ITGA6: variants seen among roughly 807,000 people sequenced by gnomAD.
ITGA6 encodes the protein integrin alpha-6.
In ITGA6, 63 loss-of-function variants were observed where a neutral mutation model predicts 133.6. The observed-to-expected ratio is 0.47, with a 90% CI of 0.38 to 0.58. The LOEUF is 0.58. Among genes scored for constraint, ITGA6 ranks in the 20% least tolerant of loss-of-function variants. ITGA6 has a pLI of 0.00. For missense variants in ITGA6, 1,068 were observed against 1,309.4 expected (o/e 0.82, Z 2.85); for synonymous variants, 434 against 482.0 (o/e 0.90, Z 1.30).
chr2:172,489,346 A>G, intron 19 of ITGA6, 139 bp from the exon 20 acceptor site: 3 of 698,854 alleles, frequency 4.3e-6, no homozygotes, highest in South Asian at 3.5e-5. Flanking sequence ...TGCCCTATCT[A>G]TAGTCCATTT....
intron 23 of ITGA6, among the ~76,000 whole-genome samples, chr2:172,494,907 A>G (rs920431234): frequency 2.6e-5 from 4 of 152,204 alleles, no homozygotes; most frequent in African/African-American, 9.6e-5. Context: ...AAAAATGCAT[A>G]ATTCTTCAGG....
chr2:172,484,394 T>C (rs1686575616), intron 11 of ITGA6, among the ~76,000 whole-genome samples: 1 of 152,178 alleles, frequency 6.6e-6, no homozygotes, highest in East Asian at 1.9e-4. Context: ...GAATAAGCAT[T>C]GACTGGTTTA....
chr2:172,498,237 A>G, intron 24 of ITGA6, 137 bp downstream of exon 24: 1 of 831,632 alleles, frequency 1.2e-6, no homozygotes, highest in Non-Finnish European at 1.9e-6. Context: ...TGACATAGCA[A>G]ATTTGAGGAA....
intron 13 of ITGA6, among the ~76,000 whole-genome samples, chr2:172,485,510 C>A (rs1052592170): frequency 6.6e-6 from 1 of 152,258 alleles, no homozygotes; most frequent in Admixed American, 6.5e-5. Flanking sequence ...TATAACCTAT[C>A]GAGACTATAA....
chr2:172,462,720 G>A (rs1685482569), intron 1 of ITGA6, among the ~76,000 whole-genome samples: 1 of 152,192 alleles, frequency 6.6e-6, no homozygotes, highest in African/African-American at 2.4e-5. Context: ...GACTGGGCAT[G>A]TAAATGGGAC....
chr2:172,464,792 G>A (rs1302179703), intron 1 of ITGA6, among the ~76,000 whole-genome samples: 1 of 152,226 alleles, frequency 6.6e-6, no homozygotes, highest in Non-Finnish European at 1.5e-5. Flanking sequence ...TGAATCCTTT[G>A]TGGGAGACTG....
chr2:172,501,639 T>C (rs1266811281), intron 24 of ITGA6, 133 bp from the exon 25 acceptor site: 11 of 763,646 alleles, frequency 1.4e-5, no homozygotes, highest in African/African-American at 3.4e-5. Context: ...TGGCTGTTCA[T>C]TGTTGGTTGA....
intron 1 of ITGA6, among the ~76,000 whole-genome samples, chr2:172,442,240 C>T (rs1267260797): frequency 6.6e-6 from 1 of 152,198 alleles, no homozygotes; most frequent in Non-Finnish European, 1.5e-5. Context: ...GCCACTGACT[C>T]ACTCTGCTTG....
intron 1 of ITGA6, among the ~76,000 whole-genome samples, chr2:172,430,727 C>T (rs1445953732): frequency 6.6e-6 from 1 of 152,192 alleles, no homozygotes; most frequent in Non-Finnish European, 1.5e-5. Context: ...ATACCATAAA[C>T]TTCATCCAGG....
Position 172,427,853 on chromosome 2 carries a change from C to G in ITGA6, c.65C>G (p.Ala22Gly), listed in dbSNP as rs1179548249. The G allele has an allele frequency of 6.2e-7, 1 of 1,606,784 alleles. No individual in the cohort carries two copies. The highest frequency in any genetic ancestry group is 8.5e-7 in the Non-Finnish European group (1 of 1,177,256). The change falls in exon 1 of 26, where the codon GCA becomes GGA. Residue 22 changes from alanine to glycine, a missense_variant. Physicochemically the swap from Ala to Gly is moderately conservative, Grantham distance 60. Coordinates refer to ENST00000684293, the MANE Select transcript of ITGA6 (RefSeq NM_000210.4). The part of the protein sequence containing the change: ...LSAGLLSRLG[A>G]AFNLDTREDN... ...GCGGGGCTCCTGTCCCGGCTCGGCGCAGCCTTCAACTTGGACACTCGGGAG... is the reference window on the plus strand; with the variant it reads ...GCGGGGCTCCTGTCCCGGCTCGGCGGAGCCTTCAACTTGGACACTCGGGAG...
chr2:172,474,838 A>G (rs2149048515), intron 6 of ITGA6, 91 bp from the exon 7 acceptor site: 1 of 774,082 alleles, frequency 1.3e-6, no homozygotes, highest in Non-Finnish European at 2.4e-6. Flanking sequence ...GGGCCTTTCT[A>G]TTATATGTCT....
chr2:172,430,912 G>A (rs1450402495), intron 1 of ITGA6, among the ~76,000 whole-genome samples: 1 of 152,170 alleles, frequency 6.6e-6, no homozygotes, highest in Non-Finnish European at 1.5e-5. Flanking sequence ...TGATGACTGT[G>A]GGTATATCCA....
intron 1 of ITGA6, among the ~76,000 whole-genome samples, chr2:172,447,702 A>G (rs114766404): frequency 0.017 from 2,525 of 152,286 alleles, 74 homozygotes; most frequent in African/African-American, 0.057. Context: ...TGGTGGACCA[A>G]GGTCACACCA....
At chr2:172,430,763 T>A (rs762073412) in intron 1 of ITGA6, among the ~76,000 whole-genome samples, 2 of 152,206 alleles carry the variant, frequency 1.3e-5, no homozygotes, top group African/African-American at 4.8e-5. Flanking sequence ...TTAAAGAAGT[T>A]TCGGACTCCA....
intron 1 of ITGA6, among the ~76,000 whole-genome samples, chr2:172,449,652 A>G (rs1684903174): frequency 6.6e-6 from 1 of 152,146 alleles, no homozygotes; most frequent in Non-Finnish European, 1.5e-5. Flanking sequence ...CTCTGTGAGA[A>G]AGGGGATGGT....
At chr2:172,482,654 G>A (rs566720536) in intron 11 of ITGA6, among the ~76,000 whole-genome samples, 8 of 152,092 alleles carry the variant, frequency 5.3e-5, no homozygotes, top group South Asian at 2.1e-4. Context: ...GGCACTCAGC[G>A]TGTGAGCCTT....
intron 1 of ITGA6, among the ~76,000 whole-genome samples, chr2:172,447,604 C>T (rs374556175): frequency 6.6e-6 from 1 of 152,132 alleles, no homozygotes; most frequent in Non-Finnish European, 1.5e-5. Flanking sequence ...AGGCCAGTTG[C>T]TTTTGTGATT....
chr2:172,431,319 A>G (rs1194514981), intron 1 of ITGA6, among the ~76,000 whole-genome samples: 3 of 152,262 alleles, frequency 2.0e-5, no homozygotes, highest in Non-Finnish European at 4.4e-5. Flanking sequence ...ACCCATGCTC[A>G]TGCCATTTTT....
intron 3 of ITGA6, among the ~76,000 whole-genome samples, chr2:172,468,522 A>G (rs548530814): frequency 2.0e-5 from 3 of 152,230 alleles, no homozygotes; most frequent in Non-Finnish European, 2.9e-5. Flanking sequence ...CCCTGTAGAA[A>G]TTATAGAGAT....
Sources: gnomAD v4.1 joint callset for allele counts (sites outside exome capture counted in the v4.1 genomes callset) on GRCh38, gnomAD v4.1.1 for gene constraint, MANE v1.5 for transcripts, NCBI Gene and HGNC (gene_info 2026-07-23, HGNC 2026-07-21) for gene names.